The following NAV1 variants were observed in gnomAD, a reference collection of about 807,000 sequenced individuals.
NAV1 encodes the protein neuron navigator 1.
NAV1 carries 18 observed loss-of-function variants against 175.2 expected under a neutral mutation model. That is an observed-to-expected ratio of 0.10 (90% CI 0.07 to 0.15). The LOEUF is 0.15. Ranked by LOEUF, NAV1 falls within the 10% of genes least tolerant of loss-of-function variation. NAV1 has a pLI of 1.00. For synonymous variants in NAV1, 897 were observed against 978.7 expected (o/e 0.92, Z 1.56); for missense variants, 1,731 against 2,436.6 (o/e 0.71, Z 6.10).
intron 1 of NAV1, among the ~76,000 whole-genome samples, chr1:201,684,755 G>C (rs1177003037): frequency 6.6e-6 from 1 of 151,882 alleles, no homozygotes; most frequent in East Asian, 1.9e-4. Context: ...GATTACAGGC[G>C]TGAGCCACTG....
At chr1:201,650,021 A>C (rs901853510) in intron 1 of NAV1, among the ~76,000 whole-genome samples, 19 of 152,202 alleles carry the variant, frequency 1.2e-4, no homozygotes, top group African/African-American at 4.3e-4. Context: ...AGCTGTGCGC[A>C]TCTGGGCGCA....
chr1:201,580,087 G>A (rs1666804242), intron 1 of NAV1, among the ~76,000 whole-genome samples: 1 of 152,226 alleles, frequency 6.6e-6, no homozygotes. Context: ...AGGGCAAGAG[G>A]AGAAAACTGT....
intron 3 of NAV1, among the ~76,000 whole-genome samples, chr1:201,745,054 C>G (rs976638299): frequency 2.0e-5 from 3 of 152,136 alleles, no homozygotes; most frequent in Non-Finnish European, 2.9e-5. Context: ...GAAGCAGAAT[C>G]GAATAATTCT....
chr1:201,572,198 G>A (rs1666564858), intron 1 of NAV1, among the ~76,000 whole-genome samples: 2 of 152,084 alleles, frequency 1.3e-5, no homozygotes, highest in South Asian at 2.1e-4. Context: ...TCCAGGCTGA[G>A]GCATGTGACA....
chr1:201,648,981 C>A, exon 1 of NAV1: 1 of 1,613,378 alleles, frequency 6.2e-7, no homozygotes, highest in Non-Finnish European at 8.5e-7. Context: ...GAAAAAGCTG[C>A]AGCTTTATGA....
intron 1 of NAV1, among the ~76,000 whole-genome samples, chr1:201,711,874 A>C (rs1671921530): frequency 6.6e-6 from 1 of 152,232 alleles, no homozygotes; most frequent in Non-Finnish European, 1.5e-5. Flanking sequence ...GGAAGGAAGA[A>C]CATTCTTTGA....
chr1:201,652,995 T>C (rs573198570), intron 1 of NAV1, among the ~76,000 whole-genome samples: 2 of 152,318 alleles, frequency 1.3e-5, no homozygotes, highest in Admixed American at 1.3e-4. Flanking sequence ...GCCTATTTCA[T>C]AATAAAGTTG....
At chr1:201,712,669 G>C (rs1472455693) in intron 1 of NAV1, 148 bp from the exon 6 acceptor site, 6 of 654,888 alleles carry the variant, frequency 9.2e-6, no homozygotes, top group Non-Finnish European at 1.7e-5. Context: ...CATTCTGTTG[G>C]TTGTCTTTGG....
At chr1:201,814,285 A>G (rs528529000) in intron 28 of NAV1, among the ~76,000 whole-genome samples, 26 of 151,824 alleles carry the variant, frequency 1.7e-4, no homozygotes, top group Middle Eastern at 3.4e-3. Context: ...CCAGAAGATC[A>G]CTTGAGGCCA....
intron 16 of NAV1, chr1:201,804,210 G>T (rs1052351775): frequency 1.9e-6 from 1 of 537,094 alleles, no homozygotes; most frequent in Non-Finnish European, 3.3e-6. Flanking sequence ...ATTTTTGTAC[G>T]TGTGGTTTTT....
chr1:201,808,884 GAGA>G lies in NAV1; in HGVS notation c.4207+18_4207+20del. The G allele has an allele frequency of 1.2e-6, 2 of 1,606,974 alleles. No homozygotes were observed. Among genetic ancestry groups the G allele is most frequent in the East Asian group, 2.2e-5 (1 of 44,780 alleles). On this transcript the variant is annotated intron_variant, in intron 20 of 29. Transcript: ENST00000367296. The surrounding 1 kb of genome is among the most constrained non-coding windows in gnomAD (Gnocchi z 5.5). Reference sequence around the variant, plus strand: ...CTTGCAGACACAGGTACCTGTGTGGGAGAAGAATCTATAAGGGTGAAGGGAAGA... The same window carrying G: ...CTTGCAGACACAGGTACCTGTGTGGGAGAATCTATAAGGGTGAAGGGAAGA...
At chr1:201,804,600 AAATG>A in intron 17 of NAV1, 103 bp downstream of exon 21, 2 of 940,244 alleles carry the variant, frequency 2.1e-6, no homozygotes, top group Middle Eastern at 2.2e-4. Flanking sequence ...AAAAAAAAAA[AAATG>A]AATGACCACT....
intron 1 of NAV1, among the ~76,000 whole-genome samples, chr1:201,565,190 TA>T (rs1263376531): frequency 2.0e-5 from 3 of 152,158 alleles, no homozygotes; most frequent in Non-Finnish European, 4.4e-5. Context: ...ACATATGTTT[TA>T]AAAAAGGTAA....
At chr1:201,648,285 T>G in exon 1 of NAV1, 1 of 1,084,212 alleles carries the variant, frequency 9.2e-7, no homozygotes, top group Non-Finnish European at 1.1e-6. Context: ...CGGGCTGGGA[T>G]CCGGACACCA....
chr1:201,540,994 G>GA (rs1571810982), intron 1 of NAV1, among the ~76,000 whole-genome samples: 1 of 152,328 alleles, frequency 6.6e-6, no homozygotes, highest in East Asian at 1.9e-4. Context: ...AACACCAGGT[G>GA]AAAGAGAACA....
At position 201,803,579 on chromosome 1, in the gene NAV1, G is replaced by A. The variant is rs1156659072; in HGVS notation, c.3518-14G>A. 4 of 1,611,732 alleles carry A rather than the reference G, an allele frequency of 2.5e-6. No individual in the cohort carries two copies. Among genetic ancestry groups the A allele is most frequent in the Non-Finnish European group, 2.5e-6 (3 of 1,178,970 alleles). ...AATCTGTTCTATGTTTTTCCCACTT[G>A]TACTTGGCCCTAGAACTTCGGATCA... On this transcript the variant is annotated splice_polypyrimidine_tract_variant and intron_variant, in intron 15 of 29. Transcript: ENST00000367296.
At position 201,640,669 on chromosome 1, in the gene NAV1, C is replaced by T. The variant is rs373138442; in HGVS notation, c.5-7965C>T. On this transcript the variant is annotated intron_variant, in intron 2 of 29. Coordinates refer to the NAV1 transcript ENST00000367302. The stretch of plus-strand genomic sequence containing the variant: ...AGGGTCTACTGGCCTCACTCTGGCC[C>T]AGGGCTTCAGGGAAGGGAGAAAAGA... 4.9e-4 allele frequency among the ~76,000 whole-genome samples: 74 copies of T among 152,330 alleles called. 1 individual carries two copies. The highest frequency in any genetic ancestry group is 1.7e-3 in the African/African-American group (72 of 41,574).
At chr1:201,755,380 C>T (rs534971616) in intron 3 of NAV1, among the ~76,000 whole-genome samples, 4 of 152,052 alleles carry the variant, frequency 2.6e-5, no homozygotes, top group Admixed American at 2.6e-4. Flanking sequence ...ATGATTACAC[C>T]ACTGCACTTC....
At chr1:201,635,989 C>T (rs957139702) in intron 2 of NAV1, among the ~76,000 whole-genome samples, 4 of 152,222 alleles carry the variant, frequency 2.6e-5, no homozygotes, top group Admixed American at 6.5e-5. Flanking sequence ...CTATGGGAGG[C>T]GGAACTATTT....
Sources: allele counts gnomAD v4.1 joint callset (sites outside exome capture counted in the v4.1 genomes callset), GRCh38; gene constraint gnomAD v4.1.1; non-coding constraint Gnocchi (gnomAD v3.1); transcripts MANE v1.5; gene names NCBI Gene and HGNC (gene_info 2026-07-23, HGNC 2026-07-21).